Variants in CALN1 observed in about 807,000 individuals in gnomAD.
CALN1 encodes the protein calneuron 1.
In CALN1, 17 loss-of-function variants were observed where a neutral mutation model predicts 30.6. The observed-to-expected ratio is 0.56, with a 90% CI of 0.38 to 0.83. The LOEUF (loss-of-function observed/expected upper bound fraction) is 0.83. Ranked by LOEUF, CALN1 falls within the 40% of genes least tolerant of loss-of-function variation. CALN1 has a pLI of 0.00. For synonymous variants in CALN1, 156 were observed against 131.4 expected, an observed-to-expected ratio of 1.19 and a Z score of -1.28; for missense variants, 291 against 354.9, an observed-to-expected ratio of 0.82 and a Z score of 1.45.
intron 5 of CALN1, among the ~76,000 whole-genome samples, chr7:71,961,917 C>G (rs1163498637): frequency 6.6e-5 from 10 of 152,094 alleles, no homozygotes; most frequent in Admixed American, 5.9e-4. Flanking sequence ...TTCCAGTAAC[C>G]CTTTCCCTTC....
At chr7:72,191,771 G>A (rs571034201) in intron 3 of CALN1, among the ~76,000 whole-genome samples, 2 of 152,044 alleles carry the variant, frequency 1.3e-5, no homozygotes, top group Admixed American at 6.6e-5. Context: ...TGTTCTAGAA[G>A]TCAAAGTCTG....
intron 4 of CALN1, among the ~76,000 whole-genome samples, chr7:72,026,730 T>C (rs1307444679): frequency 6.6e-6 from 1 of 152,096 alleles, no homozygotes; most frequent in African/African-American, 2.4e-5. Context: ...TAACTTCATT[T>C]TTAGAGAAAA....
intron 5 of CALN1, among the ~76,000 whole-genome samples, chr7:71,849,730 A>AACTCCTAGGCTCAATGGATCCTCCC (rs1415713545): frequency 1.7e-4 from 26 of 151,998 alleles, no homozygotes; most frequent in Non-Finnish European, 3.1e-4. Flanking sequence ...TGCATCCTCG[A>AACTCCTAGGCTCAATGGATCCTCCC]ACTCCTAGGC....
rs59798860 is a variant in CALN1 at position 72,203,979 on chromosome 7, C to CTATTTTTTTTT, written c.244+74706_244+74707insAAAAAAAAATA. Among the ~76,000 whole-genome samples the CTATTTTTTTTT allele has an allele frequency of 2.6e-4, 22 of 83,808 alleles. 6 individuals carry two copies. The highest frequency in any genetic ancestry group is 1.6e-3 in the East Asian group (4 of 2,492). The allele number at this position is 83,808 out of a possible 152,430, so 55.0% of individuals were successfully genotyped here. On this transcript the variant is annotated intron_variant, in intron 3 of 6. Transcript: ENST00000395275. Reference sequence around the variant, plus strand: ...TAGCCTTCATATAAGAGGCCTCTCTCTTTTTTTTTTTTTTTTTTTTTTTTT... The same window carrying CTATTTTTTTTT: ...TAGCCTTCATATAAGAGGCCTCTCTCTATTTTTTTTTTTTTTTTTTTTTTTTTTTTTTTTTT...
chr7:71,897,981 A>AC (rs1554372071), intron 5 of CALN1, among the ~76,000 whole-genome samples: 7 of 120,820 alleles, frequency 5.8e-5, no homozygotes, highest in Non-Finnish European at 8.3e-5. Flanking sequence ...ACAAAAAAAA[A>AC]AAAAAAAAAA....
At chr7:72,316,753 G>A (rs922387425) in intron 2 of CALN1, among the ~76,000 whole-genome samples, 11 of 151,914 alleles carry the variant, frequency 7.2e-5, no homozygotes, top group Non-Finnish European at 1.6e-4. Context: ...AGACCAACCT[G>A]TAACAGCATA....
chr7:71,988,754 A>C (rs1798805853), intron 5 of CALN1, among the ~76,000 whole-genome samples: 1 of 152,084 alleles, frequency 6.6e-6, no homozygotes, highest in African/African-American at 2.4e-5. Context: ...AAGAAATCTG[A>C]TGCTTGCTGT....
chr7:72,123,133 T>A (rs548027571), intron 3 of CALN1, among the ~76,000 whole-genome samples: 2 of 152,256 alleles, frequency 1.3e-5, no homozygotes, highest in East Asian at 3.9e-4. Context: ...ACAGCGATGG[T>A]CACACATTCG....
rs559903862 is a variant in CALN1, at chr7:72,029,213, G to A, written c.389-5444C>T. Among the ~76,000 whole-genome samples, 27 of 151,866 alleles carry A rather than the reference G, an allele frequency of 1.8e-4. No homozygotes were observed. The South Asian group carries it at 3.1e-3, about 18-fold the overall frequency. On this transcript the variant is annotated intron_variant, in intron 4 of 6. Transcript: ENST00000395275. ...ACGATCTCAGCTCACTGCAAGCTCC[G>A]CCTCCCGGGTTCACGCCATTCTCCT...
the CALN1 span, among the ~76,000 whole-genome samples, chr7:72,486,221 A>AT: frequency 2.6e-5 from 4 of 152,178 alleles, no homozygotes; most frequent in Non-Finnish European, 4.4e-5. Flanking sequence ...ATACAATATT[A>AT]TAATCTTATG....
intron 3 of CALN1, among the ~76,000 whole-genome samples, chr7:72,213,652 G>T (rs1014983906): frequency 6.6e-6 from 1 of 152,188 alleles, no homozygotes; most frequent in Non-Finnish European, 1.5e-5. Context: ...ATTGCAGAAA[G>T]GCAAGAGTGA....
chr7:72,473,520 C>T, the CALN1 span, among the ~76,000 whole-genome samples: 1 of 152,234 alleles, frequency 6.6e-6, no homozygotes, highest in Non-Finnish European at 1.5e-5. Flanking sequence ...AAGTTAATAA[C>T]ATGGTTCTCA....
At chr7:72,483,280 CTTTTTT>C in the CALN1 span, among the ~76,000 whole-genome samples, 204 of 100,084 alleles carry the variant, frequency 2.0e-3, no homozygotes, top group East Asian at 0.022. Context: ...TTTTCTTTTT[CTTTTTT>C]TTTTTTTTTT....
intron 5 of CALN1, among the ~76,000 whole-genome samples, chr7:71,912,381 C>T (rs569446638): frequency 5.3e-5 from 8 of 152,250 alleles, no homozygotes; most frequent in Admixed American, 2.0e-4. Flanking sequence ...GGTGTAGTTG[C>T]TCTAGGATGG....
At position 71,836,563 on chromosome 7, in the gene CALN1, G is replaced by T. The variant is rs1487664012; in HGVS notation, c.502-26071C>A. 5.9e-5 allele frequency among the ~76,000 whole-genome samples: 9 copies of T among 151,786 alleles called. No homozygotes were observed. In the East Asian group the frequency reaches 1.6e-3, roughly 26 times the overall value. On this transcript the variant is annotated intron_variant, in intron 5 of 6. Transcript: ENST00000395275. Reference sequence around the variant, plus strand: ...CTCTGCACATTCAGGAACTGTTTCTGGCTCACTGAGACTCATTCTATTTTA... The same window carrying T: ...CTCTGCACATTCAGGAACTGTTTCTTGCTCACTGAGACTCATTCTATTTTA...
chr7:72,078,147 G>C (rs2129538488), intron 4 of CALN1, among the ~76,000 whole-genome samples: 1 of 152,274 alleles, frequency 6.6e-6, no homozygotes, highest in African/African-American at 2.4e-5. Context: ...GCGAGGAGTG[G>C]TGTGTTAGAA....
upstream of CALN1, among the ~76,000 whole-genome samples, chr7:72,414,539 C>T (rs1807362278): frequency 6.6e-6 from 1 of 152,192 alleles, no homozygotes; most frequent in Non-Finnish European, 1.5e-5. Context: ...CACAGAACTT[C>T]CCAGAGACGT....
At chr7:71,801,383 T>C (rs576042725) in intron 6 of CALN1, among the ~76,000 whole-genome samples, 1 of 79,366 alleles carries the variant, frequency 1.3e-5, no homozygotes, top group South Asian at 5.4e-4. Context: ...TGGTTATGTA[T>C]GTATGTATGT....
At chr7:72,461,073 G>T in the CALN1 span, among the ~76,000 whole-genome samples, 1 of 152,060 alleles carries the variant, frequency 6.6e-6, no homozygotes, top group Non-Finnish European at 1.5e-5. Context: ...CTGTGAGGAG[G>T]CACACCTATG....
Sources: gnomAD v4.1 joint callset for allele counts (sites outside exome capture counted in the v4.1 genomes callset) on GRCh38, gnomAD v4.1.1 for gene constraint, MANE v1.5 for transcripts, NCBI Gene and HGNC (gene_info 2026-07-23, HGNC 2026-07-21) for gene names.